Variants in LRP1B observed in about 807,000 individuals in gnomAD.
LRP1B encodes the protein low-density lipoprotein receptor-related protein 1B.
In LRP1B, 217 loss-of-function variants were observed where a neutral mutation model predicts 556.6. The ratio of observed to expected loss-of-function variants is 0.39; its 90% CI spans 0.35 to 0.44. The LOEUF (loss-of-function observed/expected upper bound fraction) is 0.44, where lower values mean the gene tolerates loss of function less well. Among genes scored for constraint, LRP1B ranks in the 20% least tolerant of loss-of-function variants. The pLI, the probability that LRP1B is intolerant of heterozygous loss-of-function variation, is 1.00. For synonymous variants in LRP1B, 2,047 were observed against 1,865.8 expected, an observed-to-expected ratio of 1.10 and a Z score of -2.50; for missense variants, 5,053 against 5,620.8, an observed-to-expected ratio of 0.90 and a Z score of 3.23.
intron 4 of LRP1B, among the ~76,000 whole-genome samples, chr2:141,250,850 T>C (rs989289947): frequency 6.6e-6 from 1 of 152,108 alleles, no homozygotes; most frequent in African/African-American, 2.4e-5. Flanking sequence ...CCAATTGTTA[T>C]CAGAGTGATA....
At chr2:141,848,735 A>G (rs1032956533) in intron 1 of LRP1B, among the ~76,000 whole-genome samples, 4 of 151,550 alleles carry the variant, frequency 2.6e-5, no homozygotes, top group Non-Finnish European at 5.9e-5. Flanking sequence ...AATTTTCAGT[A>G]TAGAAATTAG....
intron 7 of LRP1B, among the ~76,000 whole-genome samples, chr2:141,139,754 T>TA (rs1240027875): frequency 7.3e-5 from 11 of 150,534 alleles, no homozygotes; most frequent in Admixed American, 6.0e-4. Flanking sequence ...GGTAGAAATG[T>TA]AAAAAAAGTA....
In LRP1B at chr2:141,798,276, A is replaced by G. The variant is rs192974093; in HGVS notation, c.205+12003T>C. ...AATGATTGATAAATCCAGTGTATACAGGTGTTTATCATACTATTCTTCTGA... is the reference window on the plus strand; with the variant it reads ...AATGATTGATAAATCCAGTGTATACGGGTGTTTATCATACTATTCTTCTGA... On this transcript the variant is annotated intron_variant, in intron 2 of 90. Transcript: ENST00000389484. Among the ~76,000 whole-genome samples, 443 of 152,348 alleles carry G rather than the reference A, an allele frequency of 2.9e-3. 16 individuals are homozygous for G. Among genetic ancestry groups the G allele is most frequent in the Admixed American group, 0.023 (345 of 15,294 alleles).
intron 2 of LRP1B, among the ~76,000 whole-genome samples, chr2:141,736,285 C>T (rs562393771): frequency 6.6e-6 from 1 of 152,250 alleles, no homozygotes; most frequent in East Asian, 1.9e-4. Flanking sequence ...ATGGGTTGAA[C>T]TGTGTCCCTC....
intron 3 of LRP1B, among the ~76,000 whole-genome samples, chr2:141,354,159 G>A (rs774426065): frequency 1.3e-5 from 2 of 151,802 alleles, no homozygotes; most frequent in Non-Finnish European, 2.9e-5. Context: ...AAACCCCCAC[G>A]ACAAACAGTT....
chr2:141,198,180 A>G (rs1681833724), intron 6 of LRP1B, among the ~76,000 whole-genome samples: 1 of 152,096 alleles, frequency 6.6e-6, no homozygotes, highest in South Asian at 2.1e-4. Flanking sequence ...TTTTACTTTT[A>G]TATGTCACCA....
chr2:141,122,480 C>A (rs1469205582), intron 7 of LRP1B, among the ~76,000 whole-genome samples: 1 of 151,676 alleles, frequency 6.6e-6, no homozygotes, highest in Middle Eastern at 3.4e-3. Context: ...ATTTATGCAG[C>A]CAACAGACAC....
chr2:141,410,194 G>A (rs1573913555), intron 3 of LRP1B, among the ~76,000 whole-genome samples: 1 of 151,994 alleles, frequency 6.6e-6, no homozygotes, highest in Admixed American at 6.5e-5. Flanking sequence ...ACTGTTATGT[G>A]TTAAGCTAAA....
chr2:141,639,673 A>G (rs1689259443), intron 2 of LRP1B, among the ~76,000 whole-genome samples: 1 of 151,950 alleles, frequency 6.6e-6, no homozygotes, highest in Non-Finnish European at 1.5e-5. Context: ...CTGGGTTGTC[A>G]TTCTCCAATA....
chr2:140,758,501 T>C (rs1688812522), intron 35 of LRP1B, among the ~76,000 whole-genome samples: 1 of 152,052 alleles, frequency 6.6e-6, no homozygotes, highest in Admixed American at 6.6e-5. Flanking sequence ...TATTTAACCA[T>C]GGATTGAGGT....
At chr2:140,501,646 C>A (rs1314024900) in intron 55 of LRP1B, 41 bp downstream of exon 55, 2 of 1,425,308 alleles carry the variant, frequency 1.4e-6, no homozygotes, top group African/African-American at 1.4e-5. Flanking sequence ...ACCTCCAATT[C>A]TAATGTATCG....
chr2:140,661,558 T>G (rs1176403238), intron 41 of LRP1B, among the ~76,000 whole-genome samples: 1 of 149,250 alleles, frequency 6.7e-6, no homozygotes, highest in Admixed American at 6.7e-5. Flanking sequence ...TCCCAGCTAC[T>G]GGGGTGGTTG....
At chr2:141,770,029 A>G (rs895955197) in intron 2 of LRP1B, among the ~76,000 whole-genome samples, 1 of 152,184 alleles carries the variant, frequency 6.6e-6, no homozygotes, top group African/African-American at 2.4e-5. Flanking sequence ...CTATTAAAGG[A>G]CGGCATGAGA....
At chr2:141,598,647 G>C (rs1687608780) in intron 2 of LRP1B, among the ~76,000 whole-genome samples, 1 of 152,060 alleles carries the variant, frequency 6.6e-6, no homozygotes, top group African/African-American at 2.4e-5. Flanking sequence ...GATTTTAGCA[G>C]AAAATTGCAG....
At chr2:142,029,775 A>G (rs943007546) in intron 1 of LRP1B, among the ~76,000 whole-genome samples, 11 of 151,908 alleles carry the variant, frequency 7.2e-5, no homozygotes, top group African/African-American at 2.7e-4. Flanking sequence ...TTAAAACCCT[A>G]ATCCATACTT....
chr2:140,437,430 G>T (rs1330309883), intron 66 of LRP1B, among the ~76,000 whole-genome samples: 1 of 152,144 alleles, frequency 6.6e-6, no homozygotes, highest in Admixed American at 6.5e-5. Context: ...GGGGCACTGA[G>T]GATGTTCAGA....
intron 60 of LRP1B, among the ~76,000 whole-genome samples, chr2:140,468,798 T>C (rs1358950244): frequency 6.6e-6 from 1 of 152,220 alleles, no homozygotes; most frequent in Admixed American, 6.5e-5. Context: ...GCCTTAAGAT[T>C]TAATGTTTTC....
At chr2:141,841,756 A>C (rs1697480990) in intron 1 of LRP1B, among the ~76,000 whole-genome samples, 1 of 152,194 alleles carries the variant, frequency 6.6e-6, no homozygotes. Context: ...ATGGTTTAAC[A>C]ATATGGGTTA....
intron 1 of LRP1B, among the ~76,000 whole-genome samples, chr2:141,955,079 A>G (rs2105042327): frequency 6.6e-6 from 1 of 152,302 alleles, no homozygotes; most frequent in Admixed American, 6.5e-5. Flanking sequence ...CAACTAACAC[A>G]GCCATCTGAA....
Sources: allele counts gnomAD v4.1 joint callset (sites outside exome capture counted in the v4.1 genomes callset), GRCh38; gene constraint gnomAD v4.1.1; transcripts MANE v1.5; gene names NCBI Gene and HGNC (gene_info 2026-07-23, HGNC 2026-07-21).